The following PID1 variants were observed in gnomAD, a reference collection of about 807,000 sequenced individuals.
PID1 encodes phosphotyrosine interaction domain containing 1.
PID1 carries 10 observed loss-of-function variants against 19.1 expected under a neutral mutation model. The ratio of observed to expected loss-of-function variants is 0.52; its 90% CI spans 0.32 to 0.89. The LOEUF (loss-of-function observed/expected upper bound fraction) is 0.89. Among genes scored for constraint, PID1 ranks in the 40% least tolerant of loss-of-function variants. The pLI is 0.03. For synonymous variants in PID1, 130 were observed against 116.0 expected (o/e 1.12, Z -0.78); for missense variants, 248 against 285.3 (o/e 0.87, Z 0.94).
chr2:229,224,052 C>A (rs1692028095), intron 1 of PID1, among the ~76,000 whole-genome samples: 1 of 152,144 alleles, frequency 6.6e-6, no homozygotes, highest in African/African-American at 2.4e-5. Context: ...TCTGTTTCTG[C>A]ATTAATTCAC....
chr2:229,085,303 C>T (rs947705016), intron 2 of PID1, among the ~76,000 whole-genome samples: 20 of 151,584 alleles, frequency 1.3e-4, no homozygotes, highest in East Asian at 1.9e-4. Context: ...TTTGATGTGA[C>T]TCCCTTGGTC....
chr2:229,261,063 C>A (rs1690451877), intron 1 of PID1, among the ~76,000 whole-genome samples: 1 of 152,014 alleles, frequency 6.6e-6, no homozygotes, highest in African/African-American at 2.4e-5. Context: ...CATAGAGACA[C>A]ACACACAGGA....
At chr2:229,074,917 A>G (rs1427124839) in intron 2 of PID1, among the ~76,000 whole-genome samples, 1 of 152,218 alleles carries the variant, frequency 6.6e-6, no homozygotes, top group Non-Finnish European at 1.5e-5. Flanking sequence ...TTTTCTCTCC[A>G]GGTAGCTAAA....
At chr2:229,097,862 G>A (rs1383996534) in intron 2 of PID1, among the ~76,000 whole-genome samples, 1 of 152,118 alleles carries the variant, frequency 6.6e-6, no homozygotes, top group Non-Finnish European at 1.5e-5. Context: ...GAAATTCTCA[G>A]AAGATTTTCT....
intron 2 of PID1, among the ~76,000 whole-genome samples, chr2:229,134,744 A>AATCTT (rs1180808649): frequency 1.3e-5 from 2 of 152,198 alleles, no homozygotes; most frequent in Non-Finnish European, 1.5e-5. Context: ...GATTTATTAA[A>AATCTT]ATCTTAGAGT....
chr2:229,204,331 G>T (rs1359609873), intron 1 of PID1, among the ~76,000 whole-genome samples: 2 of 152,092 alleles, frequency 1.3e-5, no homozygotes, highest in East Asian at 3.9e-4. Context: ...TACAAAAAAT[G>T]ATGATGATAA....
chr2:229,100,891 A>G (rs1018972389), intron 2 of PID1, among the ~76,000 whole-genome samples: 1 of 152,252 alleles, frequency 6.6e-6, no homozygotes, highest in Non-Finnish European at 1.5e-5. Context: ...ACATCACAGC[A>G]TAAGGTCTGG....
chr2:229,243,422 T>C (rs747602899), intron 1 of PID1, among the ~76,000 whole-genome samples: 2 of 152,110 alleles, frequency 1.3e-5, no homozygotes, highest in Non-Finnish European at 2.9e-5. Flanking sequence ...AGGTTTATAA[T>C]TCCCCACTCT....
chr2:229,219,401 C>T (rs561149248), intron 1 of PID1, among the ~76,000 whole-genome samples: 1 of 152,246 alleles, frequency 6.6e-6, no homozygotes, highest in East Asian at 1.9e-4. Flanking sequence ...CCTTATAAAA[C>T]CATCAGATGT....
chr2:229,145,548 G>A (rs1690112532), intron 2 of PID1, among the ~76,000 whole-genome samples: 1 of 151,982 alleles, frequency 6.6e-6, no homozygotes, highest in African/African-American at 2.4e-5. Flanking sequence ...TTATTTCAAA[G>A]ATGAACTCTC....
intron 2 of PID1, among the ~76,000 whole-genome samples, chr2:229,127,452 A>C (rs1324946540): frequency 1.3e-5 from 2 of 152,182 alleles, no homozygotes; most frequent in Admixed American, 1.3e-4. Flanking sequence ...TTTTTGACTC[A>C]AGCTGTGTAA....
At chr2:229,118,135 T>G (rs1336154013) in intron 2 of PID1, among the ~76,000 whole-genome samples, 1 of 152,210 alleles carries the variant, frequency 6.6e-6, no homozygotes, top group Non-Finnish European at 1.5e-5. Flanking sequence ...GATAAATGAA[T>G]GAATGCATCA....
At chr2:229,153,587 A>AT (rs149776329) in intron 2 of PID1, among the ~76,000 whole-genome samples, 2,414 of 151,124 alleles carry the variant, frequency 0.016, 71 homozygotes, top group African/African-American at 0.056. Context: ...ATTTCCTACT[A>AT]TTTTTTTTTC....
At chr2:229,228,216 CT>C (rs1288613272) in intron 1 of PID1, among the ~76,000 whole-genome samples, 2 of 152,130 alleles carry the variant, frequency 1.3e-5, no homozygotes, top group Non-Finnish European at 2.9e-5. Flanking sequence ...TAAATGAGAA[CT>C]TGTGTCCCTA....
At chr2:229,061,285 G>T (rs1325376779) in intron 2 of PID1, among the ~76,000 whole-genome samples, 1 of 151,976 alleles carries the variant, frequency 6.6e-6, no homozygotes. Context: ...TTTTGTATAT[G>T]ATGTGAGATA....
At chr2:229,207,157 G>A (rs1691626961) in intron 1 of PID1, among the ~76,000 whole-genome samples, 1 of 152,074 alleles carries the variant, frequency 6.6e-6, no homozygotes, top group Admixed American at 6.5e-5. Context: ...AAAATTTGAA[G>A]TCAAGTTTTA....
At chr2:229,065,031 T>C (rs969236846) in intron 2 of PID1, among the ~76,000 whole-genome samples, 10 of 152,124 alleles carry the variant, frequency 6.6e-5, no homozygotes, top group Non-Finnish European at 1.5e-4. Context: ...GATAACCAGA[T>C]GCCAATCACT....
chr2:229,127,827 C>T (rs1695654271), intron 2 of PID1, among the ~76,000 whole-genome samples: 1 of 152,156 alleles, frequency 6.6e-6, no homozygotes. Flanking sequence ...CTGGAAAACA[C>T]CTATATGCAG....
chr2:229,263,190 G>A (rs1690504249), intron 1 of PID1, among the ~76,000 whole-genome samples: 1 of 152,162 alleles, frequency 6.6e-6, no homozygotes, highest in Non-Finnish European at 1.5e-5. Flanking sequence ...ACAAATGAAA[G>A]GGGGTCACAT....
Sources: gnomAD v4.1 joint callset for allele counts (sites outside exome capture counted in the v4.1 genomes callset) on GRCh38, gnomAD v4.1.1 for gene constraint, MANE v1.5 for transcripts, NCBI Gene and HGNC (gene_info 2026-07-23, HGNC 2026-07-21) for gene names.